The following BRIX1 variants were observed in gnomAD, a reference collection of about 807,000 sequenced individuals.
BRIX1 encodes the protein biogenesis of ribosomes BRX1, also known as ribosome biogenesis protein BRX1 homolog.
A neutral mutation model predicts 44.0 loss-of-function variants in BRIX1; 15 were observed. That is an observed-to-expected ratio of 0.34 (90% CI 0.23 to 0.53). The LOEUF (loss-of-function observed/expected upper bound fraction) is 0.53, where lower values mean the gene tolerates loss of function less well. BRIX1 is among the 20% of genes least tolerant of loss of function. BRIX1 has a pLI of 0.95. For synonymous variants in BRIX1, 149 were observed against 135.4 expected (o/e 1.10, Z -0.70); for missense variants, 420 against 432.8 (o/e 0.97, Z 0.26).
In BRIX1 at chr5:34,925,490, A is replaced by G; in HGVS notation, c.1057A>G (p.Lys353Glu). The change falls in exon 10 of 10, where the codon AAA becomes GAA. Residue 353 changes from lysine to glutamate, a missense_variant. Physicochemically the swap from Lys to Glu is moderately conservative, Grantham distance 56. Coordinates refer to ENST00000336767, the MANE Select transcript of BRIX1 (RefSeq NM_018321.4). The part of the protein sequence containing the change: ...MKQRMDSGKT[K>E] ...ACAGAGGATGGACAGTGGGAAAACA[A>G]AATAAGTCAATGGAAACCTGATTTG... 6.2e-7 allele frequency: 1 copy of G among 1,607,644 alleles called. No individual in the cohort carries two copies. The highest frequency in any genetic ancestry group is 1.3e-5 in the African/African-American group (1 of 74,656).
In BRIX1 at chr5:34,925,862, A is replaced by G; in HGVS notation, c.*367A>G. The G allele has an allele frequency of 6.1e-6, 1 of 164,600 alleles. No homozygotes were observed. The highest frequency in any genetic ancestry group is 1.3e-5 in the Non-Finnish European group (1 of 76,358). The allele number at this position is 164,600 out of a possible 1,614,324, so 10.2% of individuals were successfully genotyped here. On this transcript the variant is annotated 3_prime_UTR_variant, in exon 10 of 10. Transcript: ENST00000336767. ...CGGTTGTGGATGGTAAAGTAGGAGT[A>G]GACTGGTAGAAAGGAAGGCATCTCA...
rs115872165 is a variant in BRIX1 at position 34,919,555 on chromosome 5, A to G, written c.272-285A>G. On this transcript the variant is annotated intron_variant, in intron 2 of 9. Coordinates refer to ENST00000336767, the MANE Select transcript of BRIX1 (RefSeq NM_018321.4). The stretch of plus-strand genomic sequence containing the variant: ...GTCTTTGGTTTGTGAGAATTTTCCC[A>G]TTTTTGAAAAGGATTCCTAGAATAC... Among the ~76,000 whole-genome samples, 637 of 152,296 alleles carry G rather than the reference A, an allele frequency of 4.2e-3. 6 individuals carry two copies. The highest frequency in any genetic ancestry group is 7.5e-3 in the Non-Finnish European group (512 of 68,004).
rs777286288 is a variant in BRIX1, at chr5:34,924,919, G to A, written c.736G>A (p.Gly246Arg). 1.1e-5 allele frequency: 18 copies of A among 1,613,004 alleles called. No homozygotes were observed. The South Asian group carries it at 2.0e-4, about 18-fold the overall frequency. ...FVLNLIKIFQ[G>R]SFGGPTLYEN... ...CTTAAATCTCATAAAGATTTTCCAG[G>A]GAAGTTTTGGAGGACCAACTTTATA... The change falls in exon 9 of 10, where the codon GGA (glycine) becomes AGA (arginine). Residue 246 changes from glycine to arginine, a missense_variant. Transcript: ENST00000336767.
chr5:34,917,059 G>C (rs1461271772), intron 1 of BRIX1, among the ~76,000 whole-genome samples: 1 of 152,064 alleles, frequency 6.6e-6, no homozygotes, highest in Non-Finnish European at 1.5e-5. Context: ...AAAGAATCAT[G>C]AAGGATTTAG....
chr5:34,922,112 T>C, intron 3 of BRIX1, 105 bp from the exon 4 acceptor site: 1 of 599,904 alleles, frequency 1.7e-6, no homozygotes, highest in Non-Finnish European at 2.9e-6. Context: ...CCTATTAGCC[T>C]GGTTAGGTAT....
At chr5:34,917,118 A>G (rs1244715661) in intron 1 of BRIX1, among the ~76,000 whole-genome samples, 1 of 152,216 alleles carries the variant, frequency 6.6e-6, no homozygotes, top group Admixed American at 6.5e-5. Context: ...CATTCAAAAA[A>G]TGAGAGGGAA....
rs1167404929 is a variant in BRIX1 at position 34,922,784 on chromosome 5, A to G, written c.510+16A>G. On this transcript the variant is annotated intron_variant, in intron 6 of 9. Coordinates refer to ENST00000336767, the MANE Select transcript of BRIX1 (RefSeq NM_018321.4). ...TTTTGACCCTGTAAGTTTCTCATTC[A>G]GTGTATGAGGTCTAATTTTCTTATC... is the stretch of plus-strand genomic sequence containing the variant. 2.5e-6 allele frequency: 4 copies of G among 1,608,040 alleles called. No individual in the cohort carries two copies. The highest frequency in any genetic ancestry group is 2.2e-5 in the South Asian group (2 of 90,938).
chr5:34,920,015 A>G (rs1407198669), intron 3 of BRIX1, 132 bp downstream of exon 3: 8 of 491,874 alleles, frequency 1.6e-5, no homozygotes, highest in Non-Finnish European at 2.6e-5. Context: ...TAACTCTTCA[A>G]TAACTGGTCT....
rs781080949 is a variant in BRIX1, at chr5:34,922,745, C to G, written c.487C>G (p.Arg163Gly). ...GACTGGAAACTGTTTGAAAGGTTCT[C>G]GGCCCCTTTTGTCTTTTGACCCTGT... is the stretch of plus-strand genomic sequence containing the variant. ...KMTGNCLKGS[R>G]PLLSFDPAFD... Residue 163 changes from arginine to glycine, a missense_variant, in exon 6 of 10, where the codon CGG (arginine) becomes GGG (glycine). By Grantham distance (125) the Arg-to-Gly change is moderately radical (BLOSUM62 -2). Transcript: ENST00000336767. 1 of 1,613,994 alleles carries G rather than the reference C, an allele frequency of 6.2e-7. No individual in the cohort carries two copies. Among genetic ancestry groups the G allele is most frequent in the Admixed American group, 1.7e-5 (1 of 60,016 alleles).
At chr5:34,924,708 C>A in intron 8 of BRIX1, 139 bp from the exon 9 acceptor site, 1 of 553,490 alleles carries the variant, frequency 1.8e-6, no homozygotes. Flanking sequence ...TGATGATTTG[C>A]CATTTACCAA....
chr5:34,923,086 C>T (rs1764274363), intron 7 of BRIX1, 35 bp downstream of exon 7: 4 of 1,559,756 alleles, frequency 2.6e-6, no homozygotes, highest in Non-Finnish European at 2.7e-6. Flanking sequence ...CCAAAATATA[C>T]ATGATATATC....
Position 34,923,480 on chromosome 5 carries a change from G to A in BRIX1, c.663+246G>A, listed in dbSNP as rs147841766. On this transcript the variant is annotated intron_variant, in intron 8 of 9. Coordinates refer to ENST00000336767, the MANE Select transcript of BRIX1 (RefSeq NM_018321.4). ...TTTAGTAGAGACGGGGTTTCGCCAT[G>A]TTGGCCAGGCTGGTCTCAAACTCCT... 13 of 451,328 alleles carry A rather than the reference G, an allele frequency of 2.9e-5. No individual in the cohort carries two copies. The East Asian group carries it at 4.8e-4, about 17-fold the overall frequency. The allele number at this position is 451,328 out of a possible 1,614,324, so 28.0% of individuals were successfully genotyped here.
chr5:34,918,227 C>T, intron 1 of BRIX1, 137 bp from the exon 2 acceptor site: 1 of 499,950 alleles, frequency 2.0e-6, no homozygotes, highest in South Asian at 3.2e-5. Context: ...GGGAGGATCA[C>T]TTACTTGAGC....
At position 34,922,697 on chromosome 5, in the gene BRIX1, C is replaced by T. The variant is rs2111983568; in HGVS notation, c.439C>T (p.His147Tyr). The stretch of plus-strand genomic sequence containing the variant: ...TGTTTTTGTTGTAATTTTTCTAGTT[C>T]ATACCCTCGCTGAACTGAAGATGAC... ...PSAKFLVQNIHTLAELKMTGN... is the reference protein window; with the variant it reads ...PSAKFLVQNIYTLAELKMTGN... Residue 147 changes from histidine to tyrosine, a missense_variant and splice_region_variant, in exon 6 of 10, where the codon CAT becomes TAT. Physicochemically the swap from His to Tyr is moderately conservative, Grantham distance 83 (BLOSUM62 2). Transcript: ENST00000336767. The T allele has an allele frequency of 6.2e-7, 1 of 1,613,608 alleles. No individual in the cohort carries two copies. Among genetic ancestry groups the T allele is most frequent in the Non-Finnish European group, 8.5e-7 (1 of 1,179,648 alleles).
Position 34,922,232 on chromosome 5 carries a change from A to T in BRIX1, c.331A>T (p.Asn111Tyr). The change falls in exon 4 of 10, where the codon AAC (asparagine) becomes TAC (tyrosine). Residue 111 changes from asparagine to tyrosine, a missense_variant. Physicochemically the swap from Asn to Tyr is moderately radical, Grantham distance 143 (BLOSUM62 -2). Transcript: ENST00000336767. The stretch of plus-strand genomic sequence containing the variant: ...CTTCCTTTAGGTTTGTGAAATGAAG[A>T]ACTGTAATAAATGCATCTATTTTGA... ...FVINEVCEMK[N>Y]CNKCIYFEAK... 1 of 1,579,972 alleles carries T rather than the reference A, an allele frequency of 6.3e-7. No homozygotes were observed.
intron 3 of BRIX1, 86 bp downstream of exon 3, chr5:34,919,969 A>C (rs1764205504): frequency 1.7e-6 from 1 of 576,892 alleles, no homozygotes; most frequent in South Asian, 2.0e-5. Context: ...GTGACTTTAA[A>C]AATTATTTTG....
intron 8 of BRIX1, among the ~76,000 whole-genome samples, chr5:34,923,797 C>G (rs971985710): frequency 6.6e-6 from 1 of 152,144 alleles, no homozygotes; most frequent in South Asian, 2.1e-4. Flanking sequence ...GCTTCCTTTT[C>G]CCTAAAGAGA....
At chr5:34,922,049 G>T in intron 3 of BRIX1, 168 bp from the exon 4 acceptor site, 1 of 399,666 alleles carries the variant, frequency 2.5e-6, no homozygotes, top group South Asian at 6.3e-5. Flanking sequence ...GAATACCTAA[G>T]AGGAACTTTA....
chr5:34,918,438 G>T lies in BRIX1; in HGVS notation c.234G>T (p.Met78Ile). The change falls in exon 2 of 10, where the codon ATG becomes ATT. Residue 78 changes from methionine to isoleucine, a missense_variant. Coordinates refer to ENST00000336767, the MANE Select transcript of BRIX1 (RefSeq NM_018321.4). ...RGINFRTRHL[M>I]QDLRMLMPHS... ...TAAATTTTAGAACAAGACATTTAAT[G>T]CAGGACTTGAGAATGTTGATGCCTC... 6.2e-7 allele frequency: 1 copy of T among 1,609,976 alleles called. No individual in the cohort carries two copies. The highest frequency in any genetic ancestry group is 8.5e-7 in the Non-Finnish European group (1 of 1,177,454).
Sources: allele counts gnomAD v4.1 joint callset (sites outside exome capture counted in the v4.1 genomes callset), GRCh38; gene constraint gnomAD v4.1.1; transcripts MANE v1.5; gene names NCBI Gene and HGNC (gene_info 2026-07-23, HGNC 2026-07-21).